The following OSBPL2 variants were observed in gnomAD, a reference collection of about 807,000 sequenced individuals.
OSBPL2 encodes oxysterol-binding protein-related protein 2.
Under a neutral mutation model 58.4 loss-of-function variants are expected in OSBPL2, and 18 were observed. The observed-to-expected ratio is 0.31, with a 90% confidence interval of 0.21 to 0.46. The LOEUF (loss-of-function observed/expected upper bound fraction) is 0.46. Ranked by LOEUF, OSBPL2 falls within the 20% of genes least tolerant of loss-of-function variation. The pLI is 1.00. For synonymous variants in OSBPL2, 221 were observed against 234.1 expected, an observed-to-expected ratio of 0.94 and a Z score of 0.51; for missense variants, 461 against 616.5, an observed-to-expected ratio of 0.75 and a Z score of 2.67.
Position 62,279,258 on chromosome 20 carries a change from G to T in OSBPL2, c.593G>T (p.Gly198Val). The change falls in exon 7 of 14, where the codon GGC becomes GTC. Residue 198 changes from glycine (G) to valine (V), a missense_variant. By Grantham distance (109) the Gly-to-Val change is moderately radical. Coordinates refer to ENST00000313733, the MANE Select transcript of OSBPL2 (RefSeq NM_144498.4). Reference protein sequence around the residue: ...EGLNHDFLFHGSIYPKLKFWG... With the variant: ...EGLNHDFLFHVSIYPKLKFWG... ...CTCAACCATGACTTCCTGTTCCATG[G>T]CTCCATCTACCCCAAGCTCAAGTTC... is the stretch of plus-strand genomic sequence containing the variant. 2 of 1,614,210 alleles carry T rather than the reference G, an allele frequency of 1.2e-6. No homozygotes were observed. The highest frequency in any genetic ancestry group is 8.5e-7 in the Non-Finnish European group (1 of 1,180,036).
At chr20:62,253,422 T>C (rs555133911) in intron 1 of OSBPL2, among the ~76,000 whole-genome samples, 2 of 152,346 alleles carry the variant, frequency 1.3e-5, no homozygotes, top group Admixed American at 1.3e-4. Context: ...TTTCAGCCTT[T>C]TCCCATGTAC....
intron 11 of OSBPL2, among the ~76,000 whole-genome samples, chr20:62,287,125 C>G (rs1300642691): frequency 6.6e-6 from 1 of 152,226 alleles, no homozygotes; most frequent in African/African-American, 2.4e-5. Context: ...TGCTTTCTCA[C>G]TTGTCAATTT....
intron 7 of OSBPL2, chr20:62,279,908 G>C: frequency 7.8e-7 from 1 of 1,280,142 alleles, no homozygotes; most frequent in South Asian, 1.3e-5. Flanking sequence ...CATGTGGCAG[G>C]GGTGACTTAG....
At chr20:62,257,176 C>A (rs1980979753) in intron 2 of OSBPL2, among the ~76,000 whole-genome samples, 3 of 152,182 alleles carry the variant, frequency 2.0e-5, no homozygotes, top group Admixed American at 2.0e-4. Flanking sequence ...TCCGTTGGCA[C>A]CTCCAGTCTG....
intron 1 of OSBPL2, among the ~76,000 whole-genome samples, chr20:62,250,035 G>A (rs1391697093): frequency 6.6e-6 from 1 of 152,378 alleles, no homozygotes; most frequent in African/African-American, 2.4e-5. Flanking sequence ...CTCACTCTGA[G>A]CTCAGCTCCA....
At chr20:62,247,227 A>G (rs974861834) in intron 1 of OSBPL2, among the ~76,000 whole-genome samples, 1 of 152,214 alleles carries the variant, frequency 6.6e-6, no homozygotes, top group Non-Finnish European at 1.5e-5. Flanking sequence ...TTTGATGTGC[A>G]CGTCGGCTTG....
intron 6 of OSBPL2, among the ~76,000 whole-genome samples, chr20:62,278,009 G>C (rs1982496527): frequency 6.6e-6 from 1 of 152,196 alleles, no homozygotes; most frequent in African/African-American, 2.4e-5. Context: ...GTCCCTCGGG[G>C]TTGAGGGTTT....
intron 3 of OSBPL2, 48 bp downstream of exon 3, chr20:62,260,173 C>G (rs767977240): frequency 1.3e-6 from 2 of 1,576,028 alleles, no homozygotes; most frequent in African/African-American, 2.7e-5. Flanking sequence ...TGTAATCACC[C>G]CAAAAATACT....
At position 62,284,083 on chromosome 20, in the gene OSBPL2, G is replaced by C; in HGVS notation, c.910G>C (p.Glu304Gln). The change falls in exon 10 of 14, where the codon GAA becomes CAA. Residue 304 changes from glutamate (E) to glutamine (Q), a missense_variant. Transcript: ENST00000313733. ...KLFMIYGKWT[E>Q]CLWGIDPVSY... ...CTTTATGATCTATGGCAAATGGACGGAATGTTTGTGGGGCATAGATCCTGT... is the reference window on the plus strand; with the variant it reads ...CTTTATGATCTATGGCAAATGGACGCAATGTTTGTGGGGCATAGATCCTGT... 1 of 1,614,002 alleles carries C rather than the reference G, an allele frequency of 6.2e-7. No individual in the cohort carries two copies. Among genetic ancestry groups the C allele is most frequent in the Non-Finnish European group, 8.5e-7 (1 of 1,179,878 alleles).
chr20:62,253,783 T>TTTTATTTATTTA (rs57972667), intron 1 of OSBPL2, among the ~76,000 whole-genome samples: 2,607 of 145,116 alleles, frequency 0.018, 38 homozygotes, highest in South Asian at 0.044. Flanking sequence ...AAACTCGCCC[T>TTTTATTTATTTA]TTTATTTATT....
At chr20:62,247,784 C>T (rs1980229804) in intron 1 of OSBPL2, among the ~76,000 whole-genome samples, 2 of 151,874 alleles carry the variant, frequency 1.3e-5, no homozygotes, top group Admixed American at 6.6e-5. Flanking sequence ...CCTGCCTCAG[C>T]CTCCCTAGTA....
chr20:62,238,805 C>T lies in OSBPL2; in HGVS notation c.-129+208C>T, dbSNP rs1009348413. ...CCGGCCTAGGCCGCAGCCTGGCGCC[C>T]CGGGGAAACTTTGGGAGGAAAGTTC... is the stretch of plus-strand genomic sequence containing the variant. On this transcript the variant is annotated intron_variant, in intron 1 of 13. Coordinates refer to ENST00000313733, the MANE Select transcript of OSBPL2 (RefSeq NM_144498.4). 252 of 151,916 alleles carry T rather than the reference C, an allele frequency of 1.7e-3. 1 individual carries two copies. The highest frequency in any genetic ancestry group is 5.9e-3 in the African/African-American group (243 of 41,488). 9.4% of individuals were successfully genotyped at this position (151,916 alleles called of 1,614,324 possible).
Position 62,272,011 on chromosome 20 carries a change from G to A in OSBPL2, c.259-114G>A, listed in dbSNP as rs112502831. The A allele has an allele frequency of 1.5e-3, 1,905 of 1,303,938 alleles. 3 individuals are homozygous for A. The highest frequency in any genetic ancestry group is 1.8e-3 in the African/African-American group (123 of 68,686). The allele number at this position is 1,303,938 out of a possible 1,614,324, so 80.8% of individuals were successfully genotyped here. On this transcript the variant is annotated intron_variant, in intron 4 of 13. Coordinates refer to ENST00000313733, the MANE Select transcript of OSBPL2 (RefSeq NM_144498.4). ...TCACCCATGGGGGGTTTGAAGATCC[G>A]GTTCAACCCCAGAGGCTGCGGCTCC...
chr20:62,281,446 G>A (rs538375268), intron 8 of OSBPL2: 17 of 509,656 alleles, frequency 3.3e-5, no homozygotes, highest in East Asian at 1.6e-4. Flanking sequence ...CGCAGTGGCC[G>A]TCCACGGCCG....
chr20:62,259,794 C>T (rs751528513), intron 2 of OSBPL2, among the ~76,000 whole-genome samples, 187 bp from the exon 3 acceptor site: 9 of 152,184 alleles, frequency 5.9e-5, no homozygotes, highest in Admixed American at 1.3e-4. Flanking sequence ...AGGGAAGCTC[C>T]GTGGCACCCT....
At chr20:62,257,576 T>C (rs1387888412) in intron 2 of OSBPL2, among the ~76,000 whole-genome samples, 4 of 152,162 alleles carry the variant, frequency 2.6e-5, no homozygotes, top group African/African-American at 9.6e-5. Context: ...TCTCACACCC[T>C]TGGGCTGACC....
At chr20:62,278,725 G>A (rs535567764) in intron 6 of OSBPL2, 45 of 165,412 alleles carry the variant, frequency 2.7e-4, no homozygotes, top group African/African-American at 1.2e-3. Flanking sequence ...GGCCAAGTGC[G>A]ATGTCATGTT....
At chr20:62,243,708 G>A (rs1483027858) in intron 1 of OSBPL2, among the ~76,000 whole-genome samples, 1 of 152,152 alleles carries the variant, frequency 6.6e-6, no homozygotes, top group Non-Finnish European at 1.5e-5. Context: ...GGGAGTCCAA[G>A]TGCTGGAGGC....
chr20:62,278,700 C>T (rs188759181), intron 6 of OSBPL2: 2 of 147,668 alleles, frequency 1.4e-5, no homozygotes, highest in Non-Finnish European at 1.3e-5. Context: ...GTGTGTGTGT[C>T]TGTTGCCAAC....
Sources: allele counts gnomAD v4.1 joint callset (sites outside exome capture counted in the v4.1 genomes callset), GRCh38; gene constraint gnomAD v4.1.1; transcripts MANE v1.5; gene names NCBI Gene and HGNC (gene_info 2026-07-23, HGNC 2026-07-21).